Variants in FAM120C observed in about 807,000 individuals in gnomAD.
The protein encoded by FAM120C is constitutive coactivator of PPAR-gamma-like protein 2.
FAM120C carries 14 observed loss-of-function variants against 71.2 expected under a neutral mutation model. The ratio of observed to expected loss-of-function variants is 0.20; its 90% CI spans 0.13 to 0.31. The LOEUF (loss-of-function observed/expected upper bound fraction) is 0.31. FAM120C is among the 10% of genes least tolerant of loss of function. FAM120C has a pLI of 1.00. For missense variants in FAM120C, 500 were observed against 879.0 expected (o/e 0.57, Z 5.45); for synonymous variants, 354 against 353.2 (o/e 1.00, Z -0.03).
intron 10 of FAM120C, among the ~76,000 whole-genome samples, chrX:54,091,912 T>C (rs1251286735): frequency 2.7e-5 from 3 of 110,874 alleles, no homozygotes; most frequent in Non-Finnish European, 5.7e-5. Flanking sequence ...GAGGCGAGAT[T>C]AGGAAGTAGG....
Position 54,131,647 on chromosome X carries a change from A to G in FAM120C, c.2062+1045T>C, listed in dbSNP as rs1448960007. On this transcript the variant is annotated intron_variant, in intron 9 of 15. Coordinates refer to ENST00000375180, the MANE Select transcript of FAM120C (RefSeq NM_017848.6). Reference sequence around the variant, plus strand: ...GAAACAGGGTTTCTCCATGTTGGTCAGGCTGGTCTCGAACTCCTGACCTCA... The same window carrying G: ...GAAACAGGGTTTCTCCATGTTGGTCGGGCTGGTCTCGAACTCCTGACCTCA... Among the ~76,000 whole-genome samples the G allele has an allele frequency of 8.9e-5, 10 of 111,968 alleles. No individual in the cohort carries two copies. In the Admixed American group the frequency reaches 9.4e-4, roughly 11 times the overall value.
At chrX:54,129,691 C>T (rs2067052955) in intron 9 of FAM120C, among the ~76,000 whole-genome samples, 1 of 112,007 alleles carries the variant, frequency 8.9e-6, no homozygotes, top group African/African-American at 3.2e-5. Context: ...GAGGTTGTAG[C>T]GAGCCAAGAT....
chrX:54,108,660 G>T (rs2066919205), intron 10 of FAM120C, among the ~76,000 whole-genome samples: 1 of 111,407 alleles, frequency 9.0e-6, no homozygotes, highest in African/African-American at 3.3e-5. Context: ...GCCAGGCGCG[G>T]TGGCTCACGC....
intron 12 of FAM120C, among the ~76,000 whole-genome samples, chrX:54,086,499 G>C (rs914961964): frequency 2.7e-5 from 3 of 111,526 alleles, no homozygotes; most frequent in African/African-American, 9.8e-5. Flanking sequence ...CACGCCTGTA[G>C]TCCCAGCAAT....
At chrX:54,142,908 G>C (rs2067133644) in intron 4 of FAM120C, among the ~76,000 whole-genome samples, 1 of 111,773 alleles carries the variant, frequency 8.9e-6, no homozygotes, top group Non-Finnish European at 1.9e-5. Flanking sequence ...GGAAGGATCA[G>C]GCAGCAACAT....
chrX:54,088,591 C>CAAAA (rs1230524883), intron 11 of FAM120C, among the ~76,000 whole-genome samples: 6 of 32,850 alleles, frequency 1.8e-4, no homozygotes, highest in Admixed American at 6.0e-4. Flanking sequence ...GACTCCATCT[C>CAAAA]AAAAAAAAAA....
At chrX:54,117,356 A>ACT (rs1569532342) in intron 9 of FAM120C, among the ~76,000 whole-genome samples, 2 of 9,916 alleles carry the variant, frequency 2.0e-4, no homozygotes, top group African/African-American at 3.1e-4. Context: ...CTGTCTCTAA[A>ACT]AATAAAATAA....
chrX:54,139,587 C>T (rs1420082548), intron 4 of FAM120C, among the ~76,000 whole-genome samples: 1 of 110,809 alleles, frequency 9.0e-6, no homozygotes, highest in Non-Finnish European at 1.9e-5. Context: ...GTGATCCGTC[C>T]ATCTCGGCCT....
At chrX:54,129,255 C>T (rs1397191269) in intron 9 of FAM120C, among the ~76,000 whole-genome samples, 1 of 108,932 alleles carries the variant, frequency 9.2e-6, no homozygotes, top group Admixed American at 9.6e-5. Flanking sequence ...GGGCTCCTCA[C>T]TTCTCAGACG....
At chrX:54,104,596 T>A (rs1323563259) in intron 10 of FAM120C, among the ~76,000 whole-genome samples, 3 of 110,730 alleles carry the variant, frequency 2.7e-5, no homozygotes, top group African/African-American at 9.8e-5. Flanking sequence ...TCGCCTGAGG[T>A]CAGGAGTTCA....
intron 9 of FAM120C, among the ~76,000 whole-genome samples, chrX:54,127,610 A>G (rs1603358065): frequency 9.7e-6 from 1 of 103,564 alleles, no homozygotes; most frequent in South Asian, 4.7e-4. Flanking sequence ...AAAAAAGATG[A>G]GATCTTATTC....
At chrX:54,182,429 A>T in intron 1 of FAM120C, 71 bp downstream of exon 1, 1 of 1,084,654 alleles carries the variant, frequency 9.2e-7, no homozygotes, top group Non-Finnish European at 1.2e-6. Flanking sequence ...GTAAGTGGGT[A>T]GGTGGTTAGG....
At chrX:54,092,630 A>G (rs2066830423) in intron 10 of FAM120C, among the ~76,000 whole-genome samples, 1 of 111,026 alleles carries the variant, frequency 9.0e-6, no homozygotes, top group African/African-American at 3.3e-5. Flanking sequence ...CAGAGAACAG[A>G]GACTCAAAAA....
At chrX:54,136,943 TTTATTATTA>T (rs200501762) in intron 4 of FAM120C, among the ~76,000 whole-genome samples, 2 of 107,686 alleles carry the variant, frequency 1.9e-5, no homozygotes, top group South Asian at 7.8e-4. Context: ...ATTTTATTAT[TTTATTATTA>T]TTATTATTAT....
At chrX:54,125,275 G>C (rs1285839190) in intron 9 of FAM120C, among the ~76,000 whole-genome samples, 1 of 108,399 alleles carries the variant, frequency 9.2e-6, no homozygotes, top group Non-Finnish European at 1.9e-5. Flanking sequence ...GTATTCCATT[G>C]ATCTACATGT....
intron 4 of FAM120C, among the ~76,000 whole-genome samples, chrX:54,141,058 G>A (rs1285820763): frequency 1.8e-5 from 2 of 111,413 alleles, no homozygotes; most frequent in Non-Finnish European, 3.8e-5. Flanking sequence ...AGAAATCCAT[G>A]CCAAACACAT....
chrX:54,125,347 A>G (rs2146600736), intron 9 of FAM120C, among the ~76,000 whole-genome samples: 1 of 111,366 alleles, frequency 9.0e-6, no homozygotes, highest in Admixed American at 9.6e-5. Flanking sequence ...CACCCAGACT[A>G]CAGTGCAGTG....
intron 1 of FAM120C, among the ~76,000 whole-genome samples, chrX:54,163,594 T>C (rs1257746885): frequency 1.8e-5 from 2 of 111,480 alleles, no homozygotes; most frequent in East Asian, 5.6e-4. Context: ...TGGTGATAGC[T>C]GCACAATGCT....
rs782704313 is a variant in FAM120C, at chrX:54,087,908, G to C, written c.2484C>G (p.Val828=). The C allele has an allele frequency of 2.5e-6, 3 of 1,211,500 alleles. No individual in the cohort carries two copies. In the Admixed American group the frequency reaches 6.5e-5, roughly 26 times the overall value. The change falls in exon 12 of 16, where the codon GTC becomes GTG. Residue 828 remains valine (V), a synonymous_variant. Coordinates refer to ENST00000375180, the MANE Select transcript of FAM120C (RefSeq NM_017848.6). ...CATCATTAGCAAACAGAGCTGTGTC[G>C]ACTCCACTCATGAAGAGGGCAGCAA... The part of the protein sequence containing the change: ...IQLAALFMSG[V]DTALFANDAC...
Sources: allele counts gnomAD v4.1 joint callset (sites outside exome capture counted in the v4.1 genomes callset), GRCh38; gene constraint gnomAD v4.1.1; transcripts MANE v1.5; gene names NCBI Gene and HGNC (gene_info 2026-07-23, HGNC 2026-07-21).